Variants in ADGRB3 observed in about 807,000 individuals in gnomAD.
ADGRB3 encodes the protein adhesion G protein-coupled receptor B3, also known as brain-specific angiogenesis inhibitor 3.
A neutral mutation model predicts 193.4 loss-of-function variants in ADGRB3; 37 were observed. The ratio of observed to expected loss-of-function variants is 0.19; its 90% confidence interval spans 0.15 to 0.25. The LOEUF is 0.25. Among genes scored for constraint, ADGRB3 ranks in the 10% least tolerant of loss-of-function variants. The pLI is 1.00. For synonymous variants in ADGRB3, 690 were observed against 644.2 expected, an observed-to-expected ratio of 1.07 and a Z score of -1.08; for missense variants, 1,637 against 1,852.9, an observed-to-expected ratio of 0.88 and a Z score of 2.14.
At chr6:68,901,202 C>T (rs1409629986) in intron 3 of ADGRB3, among the ~76,000 whole-genome samples, 2 of 152,040 alleles carry the variant, frequency 1.3e-5, no homozygotes, top group African/African-American at 4.8e-5. Flanking sequence ...TTGCCTTTGG[C>T]CAGAATATGG....
At chr6:68,986,530 G>T (rs1166407458) in intron 10 of ADGRB3, among the ~76,000 whole-genome samples, 1 of 152,118 alleles carries the variant, frequency 6.6e-6, no homozygotes, top group Non-Finnish European at 1.5e-5. Flanking sequence ...AGAACTAAGG[G>T]TATACCTTCT....
At chr6:68,643,423 A>G (rs1381001699) in intron 3 of ADGRB3, among the ~76,000 whole-genome samples, 2 of 127,868 alleles carry the variant, frequency 1.6e-5, no homozygotes, top group Non-Finnish European at 3.2e-5. Flanking sequence ...CTTTCTCTTT[A>G]CACTCTTCAT....
intron 15 of ADGRB3, among the ~76,000 whole-genome samples, chr6:69,052,939 A>C (rs1370810272): frequency 1.3e-5 from 2 of 152,200 alleles, no homozygotes; most frequent in Non-Finnish European, 2.9e-5. Context: ...TAATCCCAGC[A>C]CTTTGGGAGG....
At chr6:68,838,969 C>G (rs1768096757) in intron 3 of ADGRB3, among the ~76,000 whole-genome samples, 1 of 151,950 alleles carries the variant, frequency 6.6e-6, no homozygotes, top group African/African-American at 2.4e-5. Context: ...CAAGTCAACA[C>G]AAAAACACAA....
intron 3 of ADGRB3, among the ~76,000 whole-genome samples, chr6:68,666,141 T>A (rs1768794615): frequency 6.6e-6 from 1 of 151,864 alleles, no homozygotes; most frequent in Non-Finnish European, 1.5e-5. Flanking sequence ...AATCACAAAC[T>A]AGCAGACCTG....
chr6:69,377,720 C>G (rs1341675884), intron 30 of ADGRB3, among the ~76,000 whole-genome samples: 1 of 152,060 alleles, frequency 6.6e-6, no homozygotes, highest in African/African-American at 2.4e-5. Context: ...TTCTAAAAGT[C>G]TGTATACAGT....
chr6:69,010,299 A>C, intron 11 of ADGRB3, among the ~76,000 whole-genome samples: 1 of 152,068 alleles, frequency 6.6e-6, no homozygotes, highest in East Asian at 1.9e-4. Flanking sequence ...TGTTCCCCAG[A>C]GTTAGTAGTG....
intron 20 of ADGRB3, among the ~76,000 whole-genome samples, chr6:69,247,059 C>T (rs1354086834): frequency 6.6e-6 from 1 of 152,166 alleles, no homozygotes; most frequent in Non-Finnish European, 1.5e-5. Context: ...TGATTTCTCA[C>T]TTTGACCACT....
intron 18 of ADGRB3, among the ~76,000 whole-genome samples, chr6:69,234,185 G>A (rs1047074652): frequency 7.9e-5 from 12 of 151,982 alleles, no homozygotes; most frequent in Non-Finnish European, 1.5e-4. Context: ...GCATATTTGA[G>A]GTTTTAGAAC....
At chr6:68,892,528 G>A (rs1399598169) in intron 3 of ADGRB3, among the ~76,000 whole-genome samples, 1 of 151,996 alleles carries the variant, frequency 6.6e-6, no homozygotes, top group African/African-American at 2.4e-5. Context: ...TTCCTTTATG[G>A]TATAGATCAT....
chr6:68,711,547 T>G (rs756462893), intron 3 of ADGRB3, among the ~76,000 whole-genome samples: 4 of 152,146 alleles, frequency 2.6e-5, no homozygotes, highest in Non-Finnish European at 4.4e-5. Flanking sequence ...ACTTTCTGCA[T>G]AAATGGTCCT....
intron 3 of ADGRB3, among the ~76,000 whole-genome samples, chr6:68,911,833 A>G (rs1766720680): frequency 6.7e-6 from 1 of 148,698 alleles, no homozygotes; most frequent in East Asian, 1.9e-4. Context: ...TTTTTGCTAC[A>G]CAAAGGTCAT....
chr6:68,678,779 TATAAAA>T (rs1242928264), intron 3 of ADGRB3, among the ~76,000 whole-genome samples: 1 of 152,166 alleles, frequency 6.6e-6, no homozygotes, highest in Non-Finnish European at 1.5e-5. Context: ...ATCGTATTGT[TATAAAA>T]ATAATAACAC....
chr6:68,701,035 A>G (rs1291361216), intron 3 of ADGRB3, among the ~76,000 whole-genome samples: 1 of 152,200 alleles, frequency 6.6e-6, no homozygotes, highest in South Asian at 2.1e-4. Flanking sequence ...AAGGAATTTC[A>G]TAGAACACAT....
At chr6:68,741,512 G>C (rs1342146926) in intron 3 of ADGRB3, among the ~76,000 whole-genome samples, 1 of 152,106 alleles carries the variant, frequency 6.6e-6, no homozygotes, top group East Asian at 1.9e-4. Flanking sequence ...TGAGCCTCCC[G>C]AGTAGCTGGG....
chr6:69,381,024 A>G (rs1467610388), intron 30 of ADGRB3, among the ~76,000 whole-genome samples: 1 of 152,054 alleles, frequency 6.6e-6, no homozygotes, highest in Non-Finnish European at 1.5e-5. Context: ...TAACTACAAT[A>G]GTTTTTTTTT....
chr6:69,199,085 G>T (rs1050649640), intron 17 of ADGRB3, among the ~76,000 whole-genome samples: 3 of 152,072 alleles, frequency 2.0e-5, no homozygotes, highest in Non-Finnish European at 4.4e-5. Context: ...ATGATGATGG[G>T]CTTCGGAACA....
chr6:69,028,560 A>T (rs1204305469), intron 13 of ADGRB3, among the ~76,000 whole-genome samples: 2 of 152,098 alleles, frequency 1.3e-5, no homozygotes, highest in African/African-American at 4.8e-5. Flanking sequence ...ATTCTTTTAG[A>T]AGTTAACTGC....
At chr6:69,229,817 T>C (rs1766094205) in intron 17 of ADGRB3, among the ~76,000 whole-genome samples, 1 of 152,164 alleles carries the variant, frequency 6.6e-6, no homozygotes, top group African/African-American at 2.4e-5. Flanking sequence ...AACCAAATAC[T>C]CAGATCCAAA....
Sources: gnomAD v4.1 joint callset for allele counts (sites outside exome capture counted in the v4.1 genomes callset) on GRCh38, gnomAD v4.1.1 for gene constraint, MANE v1.5 for transcripts, NCBI Gene and HGNC (gene_info 2026-07-23, HGNC 2026-07-21) for gene names.